Variants in POFUT1 observed in about 807,000 individuals in gnomAD.
POFUT1 encodes protein O-fucosyltransferase 1.
A neutral mutation model predicts 42.4 loss-of-function variants in POFUT1; 16 were observed. The ratio of observed to expected loss-of-function variants is 0.38; its 90% CI spans 0.26 to 0.57. POFUT1 has a LOEUF of 0.57. Ranked by LOEUF, POFUT1 falls within the 20% of genes least tolerant of loss-of-function variation. POFUT1 has a pLI of 0.71. For missense variants in POFUT1, 470 were observed against 504.6 expected, an observed-to-expected ratio of 0.93 and a Z score of 0.66; for synonymous variants, 206 against 205.4, an observed-to-expected ratio of 1.00 and a Z score of -0.03.
chr20:32,218,673 A>G (rs2122577159), intron 4 of POFUT1, among the ~76,000 whole-genome samples: 1 of 152,322 alleles, frequency 6.6e-6, no homozygotes, highest in Admixed American at 6.5e-5. Context: ...AGCTATTGCC[A>G]GAAGGCAGAC....
At chr20:32,216,383 A>G (rs771432232) in intron 3 of POFUT1, among the ~76,000 whole-genome samples, 1 of 152,194 alleles carries the variant, frequency 6.6e-6, no homozygotes, top group Non-Finnish European at 1.5e-5. Context: ...AGGATGTGAC[A>G]TGTGAACAGG....
rs529012772 is a variant in POFUT1, at chr20:32,220,792, T to C, written c.542+4071T>C. On this transcript the variant is annotated intron_variant, in intron 4 of 6. Transcript: ENST00000375749. ...CTACATATCCAGGAAGTCCCCCTCA[T>C]GTCTGGTGGGTGATGCTGCTGTCAT... Among the ~76,000 whole-genome samples, 6 of 150,620 alleles carry C rather than the reference T, an allele frequency of 4.0e-5. No individual in the cohort carries two copies. In the East Asian group the frequency reaches 1.2e-3, roughly 29 times the overall value.
intron 6 of POFUT1, among the ~76,000 whole-genome samples, chr20:32,233,174 G>T (rs756421804): frequency 6.6e-6 from 1 of 152,238 alleles, no homozygotes; most frequent in Non-Finnish European, 1.5e-5. Context: ...GCTAATCAGA[G>T]AATCACTAAG....
chr20:32,215,081 G>T (rs2047351602), intron 2 of POFUT1, among the ~76,000 whole-genome samples, 188 bp from the exon 3 acceptor site: 1 of 152,114 alleles, frequency 6.6e-6, no homozygotes, highest in Admixed American at 6.5e-5. Context: ...TAAAGACAGG[G>T]TTTCACCATG....
At position 32,216,814 on chromosome 20, in the gene POFUT1, C is replaced by T. The variant is rs886194538; in HGVS notation, c.542+93C>T. 5 of 1,373,930 alleles carry T rather than the reference C, an allele frequency of 3.6e-6. No individual in the cohort carries two copies. In the East Asian group the frequency reaches 6.9e-5, roughly 19 times the overall value. 85.1% of individuals were successfully genotyped at this position (1,373,930 alleles called of 1,614,324 possible). ...TCTGGCACTCTCCCCATCTTCCCAA[C>T]TCTGATGTATGAGACCAAAGGTGCA... is the stretch of plus-strand genomic sequence containing the variant. On this transcript the variant is annotated intron_variant, in intron 4 of 6. Coordinates refer to ENST00000375749, the MANE Select transcript of POFUT1 (RefSeq NM_015352.2).
chr20:32,225,769 A>G (rs1351830135), intron 4 of POFUT1, among the ~76,000 whole-genome samples: 1 of 152,074 alleles, frequency 6.6e-6, no homozygotes, highest in East Asian at 1.9e-4. Context: ...GGATTACAGA[A>G]GTGGCCACCA....
chr20:32,208,648 C>CAAA (rs67714814), intron 1 of POFUT1, among the ~76,000 whole-genome samples: 68 of 93,516 alleles, frequency 7.3e-4, no homozygotes, highest in African/African-American at 1.6e-3. Context: ...AATCCAATCT[C>CAAA]AAAAAAAAAA....
chr20:32,224,736 G>C (rs1210969305), intron 4 of POFUT1, among the ~76,000 whole-genome samples: 2 of 152,236 alleles, frequency 1.3e-5, no homozygotes, highest in East Asian at 3.8e-4. Context: ...TGTGGAGAAT[G>C]AGTGGCATGT....
At position 32,211,279 on chromosome 20, in the gene POFUT1, A is replaced by ATTT. The variant is rs11397120; in HGVS notation, c.246+1098_246+1100dup. On this transcript the variant is annotated intron_variant, in intron 2 of 6. Coordinates refer to ENST00000375749, the MANE Select transcript of POFUT1 (RefSeq NM_015352.2). ...ATGTTCTGATAATTTCGCACTCACT[A>ATTT]TTTTTTTTTTTTTGAGATGGAGTCT... Among the ~76,000 whole-genome samples the ATTT allele has an allele frequency of 9.7e-3, 1,434 of 147,122 alleles. 29 individuals are homozygous for ATTT. Among genetic ancestry groups the ATTT allele is most frequent in the African/African-American group, 0.034 (1,361 of 40,190 alleles).
chr20:32,231,902 TTC>T (rs1461341351), intron 6 of POFUT1, among the ~76,000 whole-genome samples: 1 of 152,230 alleles, frequency 6.6e-6, no homozygotes, highest in Non-Finnish European at 1.5e-5. Context: ...TACTAGAATG[TTC>T]TTGGTCAGTG....
rs957547122 is a variant in POFUT1 at position 32,236,358 on chromosome 20, G to C, written c.*1697G>C. The C allele has an allele frequency of 2.0e-5, 3 of 152,250 alleles. No individual in the cohort carries two copies. Among genetic ancestry groups the C allele is most frequent in the African/African-American group, 4.8e-5 (2 of 41,420 alleles). The allele number at this position is 152,250 out of a possible 1,614,324, so 9.4% of individuals were successfully genotyped here. A position where few individuals can be genotyped will look rare whatever the true frequency, so the allele number is the denominator to read the frequency against. On this transcript the variant is annotated 3_prime_UTR_variant, in exon 7 of 7. Coordinates refer to ENST00000375749, the MANE Select transcript of POFUT1 (RefSeq NM_015352.2). ...CCCGCCTAATTTTTTTTCCCCCCAA[G>C]ACAGGGCCTTGCTCTGTCTCCCAGG...
Position 32,238,566 on chromosome 20 carries a change from T to C in POFUT1, c.*3905T>C, listed in dbSNP as rs552343329. ...GATAAATTCCCAGAAGTGAATTTGTTAGATCAAACACTTAAAACTTTTTGT... is the reference window on the plus strand; with the variant it reads ...GATAAATTCCCAGAAGTGAATTTGTCAGATCAAACACTTAAAACTTTTTGT... On this transcript the variant is annotated 3_prime_UTR_variant, in exon 7 of 7. Coordinates refer to ENST00000375749, the MANE Select transcript of POFUT1 (RefSeq NM_015352.2). 7 of 152,264 alleles carry C rather than the reference T, an allele frequency of 4.6e-5. No homozygotes were observed. The highest frequency in any genetic ancestry group is 1.0e-4 in the Non-Finnish European group (7 of 68,014). The allele number at this position is 152,264 out of a possible 1,614,324, so 9.4% of individuals were successfully genotyped here.
intron 5 of POFUT1, among the ~76,000 whole-genome samples, chr20:32,229,724 T>G (rs1241209221): frequency 6.6e-6 from 1 of 152,158 alleles, no homozygotes; most frequent in Non-Finnish European, 1.5e-5. Context: ...CCAGGCTTTC[T>G]GTGCTGTGCC....
rs1456085434 is a variant in POFUT1 at position 32,235,668 on chromosome 20, C to G, written c.*1007C>G. The G allele has an allele frequency of 1.3e-5, 2 of 152,254 alleles. No individual in the cohort carries two copies. The allele number at this position is 152,254 out of a possible 1,614,324, so 9.4% of individuals were successfully genotyped here. ...AGTGGAGAAGCACCTTTTGACTCTT[C>G]CCTTCCAATGTAATCTCTGCCAACA... On this transcript the variant is annotated 3_prime_UTR_variant, in exon 7 of 7. Coordinates refer to ENST00000375749, the MANE Select transcript of POFUT1 (RefSeq NM_015352.2).
Position 32,223,679 on chromosome 20 carries a change from G to C in POFUT1, c.543-4584G>C, listed in dbSNP as rs2047401160. 4.1e-6 allele frequency: 4 copies of C among 985,286 alleles called. No individual in the cohort carries two copies. In the Admixed American group the frequency reaches 2.5e-4, roughly 61 times the overall value. The allele number at this position is 985,286 out of a possible 1,614,324, so 61.0% of individuals were successfully genotyped here. ...TTCCTTCTCTAACCCCTGACAGCCT[G>C]ATCGGGTCTTTCTGGTGAGGTCCCC... On this transcript the variant is annotated intron_variant, in intron 4 of 6. Coordinates refer to ENST00000375749, the MANE Select transcript of POFUT1 (RefSeq NM_015352.2).
chr20:32,238,192 A>G lies in POFUT1; in HGVS notation c.*3531A>G, dbSNP rs1273950514. The G allele has an allele frequency of 1.0e-5, 2 of 191,764 alleles. No homozygotes were observed. Among genetic ancestry groups the G allele is most frequent in the African/African-American group, 4.7e-5 (2 of 42,940 alleles). 11.9% of individuals were successfully genotyped at this position (191,764 alleles called of 1,614,324 possible). Reference sequence around the variant, plus strand: ...CAGATCACTTGAGGTGAGGAGTTCAAGACCAGCCTGGCCAACATGGTGAAT... The same window carrying G: ...CAGATCACTTGAGGTGAGGAGTTCAGGACCAGCCTGGCCAACATGGTGAAT... On this transcript the variant is annotated 3_prime_UTR_variant, in exon 7 of 7. Coordinates refer to ENST00000375749, the MANE Select transcript of POFUT1 (RefSeq NM_015352.2).
intron 4 of POFUT1, among the ~76,000 whole-genome samples, chr20:32,220,638 G>C (rs1256668925): frequency 2.0e-5 from 3 of 152,108 alleles, no homozygotes; most frequent in Non-Finnish European, 4.4e-5. Context: ...AGCTACTCAG[G>C]AGGCTGAGGC....
At chr20:32,219,926 C>T (rs541958220) in intron 4 of POFUT1, among the ~76,000 whole-genome samples, 1 of 152,312 alleles carries the variant, frequency 6.6e-6, no homozygotes, top group East Asian at 1.9e-4. Flanking sequence ...TCAGGTTAAA[C>T]ATCTTATTTC....
chr20:32,209,082 A>G (rs1450393991), intron 1 of POFUT1, among the ~76,000 whole-genome samples: 1 of 152,078 alleles, frequency 6.6e-6, no homozygotes, highest in Admixed American at 6.6e-5. Context: ...TCCACTGGCC[A>G]TCTCCACAAC....
Sources: allele counts gnomAD v4.1 joint callset (sites outside exome capture counted in the v4.1 genomes callset), GRCh38; gene constraint gnomAD v4.1.1; transcripts MANE v1.5; gene names NCBI Gene and HGNC (gene_info 2026-07-23, HGNC 2026-07-21).